The following DMD variants were observed in gnomAD, a reference collection of about 807,000 sequenced individuals.
DMD encodes mutant dystrophin.
Under a neutral mutation model 330.1 loss-of-function variants are expected in DMD, and 63 were observed. That is an observed-to-expected ratio of 0.19 (90% confidence interval 0.16 to 0.24). DMD has a LOEUF of 0.24. Among genes scored for constraint, DMD ranks in the 10% least tolerant of loss-of-function variants. The probability of loss-of-function intolerance (pLI) is 1.00; values close to 1 mark genes in which losing one functional copy is unlikely to be tolerated. For missense variants in DMD, 3,344 were observed against 2,684.1 expected (o/e 1.25, Z -5.43); for synonymous variants, 1,223 against 959.8 (o/e 1.27, Z -5.07).
chrX:32,283,520 G>A (rs999427024), intron 43 of DMD, among the ~76,000 whole-genome samples: 1 of 111,614 alleles, frequency 9.0e-6, no homozygotes, highest in African/African-American at 3.3e-5. Context: ...TCTCTCCAAG[G>A]ATTCAAGAAT....
chrX:32,666,060 T>C (rs962004334), intron 9 of DMD, among the ~76,000 whole-genome samples: 1 of 110,831 alleles, frequency 9.0e-6, no homozygotes, highest in African/African-American at 3.3e-5. Flanking sequence ...TACTGAGGAC[T>C]TCAACAAAAC....
intron 2 of DMD, among the ~76,000 whole-genome samples, chrX:33,005,157 T>C (rs2147468780): frequency 9.1e-6 from 1 of 109,618 alleles, no homozygotes; most frequent in South Asian, 3.9e-4. Context: ...TTCAACACAA[T>C]GTTAAGTATT....
chrX:32,596,837 G>A (rs808537), intron 12 of DMD, among the ~76,000 whole-genome samples: 39,989 of 110,428 alleles, frequency 0.36, 6,377 homozygotes, highest in African/African-American at 0.62. Flanking sequence ...GTGAGCCACT[G>A]TGCCTGGCCT....
At chrX:32,803,629 T>C (rs773652096) in intron 7 of DMD, among the ~76,000 whole-genome samples, 2 of 112,063 alleles carry the variant, frequency 1.8e-5, no homozygotes, top group Non-Finnish European at 3.8e-5. Flanking sequence ...AACACTTCTT[T>C]AGCTGTGTCC....
chrX:31,663,452 G>A (rs962982417), intron 53 of DMD, among the ~76,000 whole-genome samples: 24 of 111,661 alleles, frequency 2.1e-4, no homozygotes, highest in East Asian at 5.6e-4. Context: ...TTGAAATATC[G>A]AATGTGGTTT....
chrX:32,780,297 C>G (rs568386050), intron 7 of DMD, among the ~76,000 whole-genome samples: 1 of 112,141 alleles, frequency 8.9e-6, no homozygotes, highest in South Asian at 3.7e-4. Context: ...CATTCTTATG[C>G]CCGACAGAAC....
chrX:31,214,935 TTC>T lies in DMD; in HGVS notation c.9362-5238_9362-5237del, dbSNP rs1482246476. 1.0e-3 allele frequency among the ~76,000 whole-genome samples: 46 copies of T among 43,845 alleles called. 1 individual carries two copies. The highest frequency in any genetic ancestry group is 3.3e-3 in the South Asian group (3 of 920). 38.1% of individuals were successfully genotyped at this position (43,845 alleles called of 115,157 possible). On this transcript the variant is annotated intron_variant, in intron 64 of 78. Transcript: ENST00000357033. ...CCAAAGATACTTTTTTATTTCTTTT[TTC>T]TTTTTTTTTTTTTTTTTTTTTTGAG... is the stretch of plus-strand genomic sequence containing the variant.
intron 1 of DMD, among the ~76,000 whole-genome samples, chrX:33,328,598 C>A (rs2054124157): frequency 9.0e-6 from 1 of 111,507 alleles, no homozygotes; most frequent in African/African-American, 3.3e-5. Context: ...TCACTCTATA[C>A]TTGCTATTAA....
rs140527155 is a variant in DMD at position 32,610,923 on chromosome X, G to T, written c.1482+3380C>A. 7.2e-5 allele frequency among the ~76,000 whole-genome samples: 8 copies of T among 110,759 alleles called. No individual in the cohort carries two copies. In the East Asian group the frequency reaches 1.4e-3, roughly 20 times the overall value. On this transcript the variant is annotated intron_variant, in intron 12 of 78. Transcript: ENST00000357033. ...GCGATTCAACGACTATATAAATAAG[G>T]CTTTAGTTTGAACTCAGTTACCCAA... is the stretch of plus-strand genomic sequence containing the variant.
intron 2 of DMD, among the ~76,000 whole-genome samples, chrX:32,947,148 G>A (rs2090874073): frequency 9.0e-6 from 1 of 111,611 alleles, no homozygotes; most frequent in South Asian, 3.7e-4. Flanking sequence ...CTCCATGCAG[G>A]GAAACCACTG....
intron 78 of DMD, among the ~76,000 whole-genome samples, chrX:31,122,324 T>G (rs750551675): frequency 8.9e-6 from 1 of 111,762 alleles, no homozygotes; most frequent in African/African-American, 3.3e-5. Context: ...AGTGATTGAT[T>G]GATTACTTAC....
intron 9 of DMD, among the ~76,000 whole-genome samples, chrX:32,664,667 T>G (rs959797131): frequency 3.6e-5 from 4 of 112,164 alleles, no homozygotes; most frequent in African/African-American, 1.3e-4. Flanking sequence ...CAGGAAAAAC[T>G]ATTGACGAAG....
At chrX:32,436,578 A>T (rs891535355) in intron 29 of DMD, among the ~76,000 whole-genome samples, 1 of 111,769 alleles carries the variant, frequency 8.9e-6, no homozygotes, top group Non-Finnish European at 1.9e-5. Context: ...GGATTGCAAT[A>T]TAATTACATT....
intron 51 of DMD, among the ~76,000 whole-genome samples, chrX:31,751,602 C>A (rs1248701338): frequency 8.9e-6 from 1 of 111,900 alleles, no homozygotes; most frequent in Non-Finnish European, 1.9e-5. Flanking sequence ...AGATTTGTCA[C>A]CTTTTGTTCT....
chrX:31,794,724 T>C (rs1053626537), intron 50 of DMD, among the ~76,000 whole-genome samples: 1 of 110,414 alleles, frequency 9.1e-6, no homozygotes. Context: ...TCCTCTTTTT[T>C]TTTTTTTTAA....
intron 44 of DMD, among the ~76,000 whole-genome samples, chrX:32,065,383 AATG>A (rs749532954): frequency 1.9e-4 from 21 of 111,787 alleles, no homozygotes; most frequent in South Asian, 3.6e-4. Context: ...GAATTTTTGA[AATG>A]ATAACTCCAA....
intron 45 of DMD, among the ~76,000 whole-genome samples, chrX:31,942,647 G>A (rs2095022476): frequency 9.0e-6 from 1 of 111,218 alleles, no homozygotes; most frequent in Non-Finnish European, 1.9e-5. Flanking sequence ...AGCTTTCCTT[G>A]ATTAATTAGA....
At chrX:32,900,420 T>C (rs752531903) in intron 2 of DMD, among the ~76,000 whole-genome samples, 63 of 111,538 alleles carry the variant, frequency 5.6e-4, no homozygotes, top group Admixed American at 4.2e-3. Context: ...TAGCTCTCAG[T>C]CTAACCTTGA....
chrX:32,649,478 C>G (rs1413474338), intron 9 of DMD, among the ~76,000 whole-genome samples: 1 of 105,034 alleles, frequency 9.5e-6, no homozygotes, highest in Admixed American at 1.0e-4. Context: ...AAGGCGTGAA[C>G]CCGGGAGGCG....
Sources: gnomAD v4.1 joint callset for allele counts (sites outside exome capture counted in the v4.1 genomes callset) on GRCh38, gnomAD v4.1.1 for gene constraint, MANE v1.5 for transcripts, NCBI Gene and HGNC (gene_info 2026-07-23, HGNC 2026-07-21) for gene names.